The following SOX5 variants were observed in gnomAD, a reference collection of about 807,000 sequenced individuals.
SOX5 encodes the protein SRY-box transcription factor 5.
In SOX5, 9 loss-of-function variants were observed where a neutral mutation model predicts 92.0. The observed-to-expected ratio is 0.10, with a 90% confidence interval of 0.06 to 0.17. SOX5 has a LOEUF of 0.17. Among genes scored for constraint, SOX5 ranks in the 10% least tolerant of loss-of-function variants. The probability of loss-of-function intolerance (pLI) is 1.00; values close to 1 mark genes in which losing one functional copy is unlikely to be tolerated. For synonymous variants in SOX5, 344 were observed against 336.3 expected (o/e 1.02, Z -0.25); for missense variants, 642 against 944.5 (o/e 0.68, Z 4.20).
intron 6 of SOX5, among the ~76,000 whole-genome samples, chr12:23,711,502 A>G (rs897192512): frequency 7.2e-5 from 11 of 152,198 alleles, no homozygotes; most frequent in African/African-American, 2.7e-4. Flanking sequence ...ATATCTTTGA[A>G]GCAAAAATGT....
chr12:23,910,616 G>A (rs1277977750), intron 1 of SOX5, among the ~76,000 whole-genome samples: 13 of 152,116 alleles, frequency 8.5e-5, no homozygotes, highest in African/African-American at 1.4e-4. Context: ...CCTATATGGA[G>A]AGAGCTGTAT....
chr12:23,562,225 G>A (rs922042958), intron 11 of SOX5, among the ~76,000 whole-genome samples: 1 of 152,170 alleles, frequency 6.6e-6, no homozygotes, highest in South Asian at 2.1e-4. Flanking sequence ...CTGGACACAC[G>A]ATAGAATTGA....
intron 6 of SOX5, among the ~76,000 whole-genome samples, chr12:23,719,687 C>T (rs971563696): frequency 6.6e-5 from 10 of 150,422 alleles, no homozygotes; most frequent in African/African-American, 2.0e-4. Flanking sequence ...AGCCCTGAGC[C>T]CCTGCCCAGT....
At chr12:24,377,751 A>T (rs1166286720) in intron 1 of SOX5, among the ~76,000 whole-genome samples, 1 of 152,196 alleles carries the variant, frequency 6.6e-6, no homozygotes, top group Non-Finnish European at 1.5e-5. Flanking sequence ...ACATCTGTAA[A>T]GTCTGAGAAA....
intron 3 of SOX5, among the ~76,000 whole-genome samples, chr12:23,832,883 C>G (rs1027843318): frequency 1.3e-5 from 2 of 151,472 alleles, no homozygotes; most frequent in African/African-American, 4.8e-5. Flanking sequence ...AAAATTATAC[C>G]CCAAATATTG....
At chr12:23,978,897 A>G (rs1949208590) in intron 4 of SOX5, among the ~76,000 whole-genome samples, 1 of 152,146 alleles carries the variant, frequency 6.6e-6, no homozygotes, top group East Asian at 1.9e-4. Context: ...ACTATCTATC[A>G]TATCTCCTCT....
chr12:23,949,871 A>C (rs1435921095), upstream of SOX5, among the ~76,000 whole-genome samples: 5 of 144,862 alleles, frequency 3.5e-5, no homozygotes, highest in Non-Finnish European at 7.5e-5. Flanking sequence ...CACTTCCAGC[A>C]GCGGAGTCTG....
At chr12:23,764,826 C>T (rs1176515934) in intron 3 of SOX5, among the ~76,000 whole-genome samples, 1 of 152,018 alleles carries the variant, frequency 6.6e-6, no homozygotes, top group African/African-American at 2.4e-5. Flanking sequence ...GAATGTTTTA[C>T]CACTGGAAGT....
intron 3 of SOX5, among the ~76,000 whole-genome samples, chr12:24,240,807 T>C (rs909693484): frequency 3.3e-5 from 5 of 152,210 alleles, no homozygotes; most frequent in African/African-American, 4.8e-5. Flanking sequence ...GGTGAACCTA[T>C]TGTTTTCCAT....
intron 4 of SOX5, among the ~76,000 whole-genome samples, chr12:24,136,849 T>C (rs537873997): frequency 1.3e-5 from 2 of 152,364 alleles, no homozygotes; most frequent in East Asian, 3.9e-4. Flanking sequence ...ATGTATGCTA[T>C]CTGTTGTATT....
In SOX5 at chr12:23,540,559, G is replaced by C. The variant is rs894110748; in HGVS notation, c.1771+2652C>G. 2.6e-5 allele frequency among the ~76,000 whole-genome samples: 4 copies of C among 152,116 alleles called. No homozygotes were observed. In the South Asian group the frequency reaches 8.3e-4, roughly 32 times the overall value. On this transcript the variant is annotated intron_variant, in intron 13 of 14. Transcript: ENST00000451604. Reference sequence around the variant, plus strand: ...AATACACTGAAAGTGAAGAGTTTGCGCTGGGCAACATTGTCATCTCCGTGG... The same window carrying C: ...AATACACTGAAAGTGAAGAGTTTGCCCTGGGCAACATTGTCATCTCCGTGG...
chr12:24,299,659 T>C (rs984114991), intron 2 of SOX5, among the ~76,000 whole-genome samples: 2 of 152,240 alleles, frequency 1.3e-5, no homozygotes, highest in African/African-American at 2.4e-5. Flanking sequence ...GATTTCCTGA[T>C]ATGCCTTCCC....
intron 1 of SOX5, among the ~76,000 whole-genome samples, chr12:23,912,652 A>G (rs753852782): frequency 4.6e-5 from 7 of 152,204 alleles, no homozygotes; most frequent in African/African-American, 1.2e-4. Context: ...ACATGATTCA[A>G]TAATAAAAAG....
chr12:24,168,697 G>A (rs1953709225), intron 4 of SOX5, among the ~76,000 whole-genome samples: 1 of 152,108 alleles, frequency 6.6e-6, no homozygotes, highest in Non-Finnish European at 1.5e-5. Flanking sequence ...ATAATATGAT[G>A]GCTTTTGGAA....
At chr12:23,878,085 C>G (rs192452066) in intron 2 of SOX5, among the ~76,000 whole-genome samples, 2 of 151,910 alleles carry the variant, frequency 1.3e-5, no homozygotes, top group Non-Finnish European at 2.9e-5. Context: ...ATTAGAACTT[C>G]GATCATTTCA....
At chr12:24,422,364 G>T (rs1223452072) in intron 1 of SOX5, among the ~76,000 whole-genome samples, 2 of 152,158 alleles carry the variant, frequency 1.3e-5, no homozygotes, top group East Asian at 3.8e-4. Context: ...AAAAATATGA[G>T]AAGTGATGTT....
intron 1 of SOX5, among the ~76,000 whole-genome samples, chr12:23,907,103 C>G (rs2097302283): frequency 6.6e-6 from 1 of 152,114 alleles, no homozygotes; most frequent in African/African-American, 2.4e-5. Flanking sequence ...TTCTATTGTT[C>G]TATCGTTGAA....
intron 3 of SOX5, among the ~76,000 whole-genome samples, chr12:23,834,883 G>A (rs1317227085): frequency 6.6e-6 from 1 of 151,874 alleles, no homozygotes; most frequent in East Asian, 1.9e-4. Context: ...ATTTCAAAGA[G>A]ATGCTGAAGG....
At chr12:24,086,635 T>C (rs957918528) in intron 4 of SOX5, among the ~76,000 whole-genome samples, 1 of 152,032 alleles carries the variant, frequency 6.6e-6, no homozygotes, top group African/African-American at 2.4e-5. Context: ...ACCCAATCTT[T>C]TGTTTGTACT....
Sources: allele counts gnomAD v4.1 joint callset (sites outside exome capture counted in the v4.1 genomes callset), GRCh38; gene constraint gnomAD v4.1.1; transcripts MANE v1.5; gene names NCBI Gene and HGNC (gene_info 2026-07-23, HGNC 2026-07-21).